HECTD2: variants seen among roughly 807,000 people sequenced by gnomAD.
The protein encoded by HECTD2 is probable E3 ubiquitin-protein ligase HECTD2.
A neutral mutation model predicts 103.2 loss-of-function variants in HECTD2; 35 were observed. The observed-to-expected ratio is 0.34, with a 90% confidence interval of 0.26 to 0.45. HECTD2 has a LOEUF of 0.45. HECTD2 is among the 20% of genes least tolerant of loss of function. The pLI, the probability that HECTD2 is intolerant of heterozygous loss-of-function variation, is 1.00. For missense variants in HECTD2, 596 were observed against 937.4 expected (o/e 0.64, Z 4.76); for synonymous variants, 281 against 329.9 (o/e 0.85, Z 1.61).
At chr10:91,458,981 G>A (rs1192316643) in intron 2 of HECTD2, among the ~76,000 whole-genome samples, 1 of 151,948 alleles carries the variant, frequency 6.6e-6, no homozygotes, top group African/African-American at 2.4e-5. Flanking sequence ...CTATTTTAGT[G>A]ACAAGGGACT....
chr10:91,486,727 C>T (rs142933341), intron 10 of HECTD2: 2 of 152,090 alleles, frequency 1.3e-5, no homozygotes, highest in African/African-American at 2.4e-5. Flanking sequence ...ATTGCATTTT[C>T]TTTTTATTTC....
At chr10:91,460,070 A>G (rs956107478) in intron 2 of HECTD2, among the ~76,000 whole-genome samples, 1 of 152,166 alleles carries the variant, frequency 6.6e-6, no homozygotes, top group South Asian at 2.1e-4. Flanking sequence ...ATAAACATTA[A>G]AAACATTGAG....
chr10:91,451,385 G>A (rs1589497036), intron 2 of HECTD2, among the ~76,000 whole-genome samples: 1 of 152,132 alleles, frequency 6.6e-6, no homozygotes, highest in South Asian at 2.1e-4. Context: ...ATTGGGACCA[G>A]GGGAGGGATA....
rs1396311592 is a variant in HECTD2 at position 91,484,670 on chromosome 10, T to C, written c.970+15T>C. The C allele has an allele frequency of 1.3e-6, 2 of 1,570,556 alleles. No individual in the cohort carries two copies. The highest frequency in any genetic ancestry group is 1.2e-5 in the South Asian group (1 of 82,856). On this transcript the variant is annotated intron_variant, in intron 9 of 20. Transcript: ENST00000298068. ...GGCTTTACTTAGTAGGTTTTTATTA[T>C]TCTATCATTTTTTACTTTTCTTTTG...
upstream of HECTD2, chr10:91,409,276 C>G (rs570811513): frequency 6.6e-6 from 1 of 152,140 alleles, no homozygotes; most frequent in Non-Finnish European, 1.5e-5. Flanking sequence ...GAGGGGGCGA[C>G]AAGAAAGGAA....
rs529188755 is a variant in HECTD2 at position 91,432,732 on chromosome 10, C to T, written c.268+7322C>T. Among the ~76,000 whole-genome samples, 52 of 152,078 alleles carry T rather than the reference C, an allele frequency of 3.4e-4. 1 individual carries two copies. The South Asian group carries it at 5.4e-3, about 16-fold the overall frequency. ...GAGTAGCTATGAACTCTGACATTTA[C>T]CTTGAGAGCAAGCTCATAGCCAGCT... is the stretch of plus-strand genomic sequence containing the variant. On this transcript the variant is annotated intron_variant, in intron 2 of 20. Coordinates refer to ENST00000298068, the MANE Select transcript of HECTD2 (RefSeq NM_182765.6).
chr10:91,460,799 G>A (rs1845314537), intron 3 of HECTD2, among the ~76,000 whole-genome samples: 1 of 152,074 alleles, frequency 6.6e-6, no homozygotes, highest in Admixed American at 6.6e-5. Flanking sequence ...GAGTCTGTGA[G>A]TCAAAACAGG....
chr10:91,491,680 C>T (rs1846484572), intron 12 of HECTD2, among the ~76,000 whole-genome samples: 1 of 152,106 alleles, frequency 6.6e-6, no homozygotes, highest in African/African-American at 2.4e-5. Flanking sequence ...TCTCAGACTA[C>T]ACATCTATAA....
At chr10:91,445,158 C>T (rs1168631184) in intron 2 of HECTD2, among the ~76,000 whole-genome samples, 2 of 152,160 alleles carry the variant, frequency 1.3e-5, no homozygotes, top group Non-Finnish European at 2.9e-5. Context: ...GAAAATGCAG[C>T]TTTCTACAAC....
At chr10:91,500,394 T>TTTA in intron 18 of HECTD2, 108 bp from the exon 19 acceptor site, 1 of 546,438 alleles carries the variant, frequency 1.8e-6, no homozygotes, top group Non-Finnish European at 3.3e-6. Flanking sequence ...TGGTTTGATT[T>TTTA]ACTATGAGAA....
At chr10:91,415,776 A>G (rs1333856733) in intron 1 of HECTD2, among the ~76,000 whole-genome samples, 2 of 152,304 alleles carry the variant, frequency 1.3e-5, no homozygotes, top group Middle Eastern at 6.8e-3. Context: ...TTGTTCAGAT[A>G]TTTGTTACTA....
chr10:91,491,096 A>C (rs1280427811), intron 11 of HECTD2, 104 bp from the exon 12 acceptor site: 2 of 554,418 alleles, frequency 3.6e-6, no homozygotes, highest in Non-Finnish European at 6.5e-6. Flanking sequence ...TTATATAAGA[A>C]ATGGCATAGA....
intron 5 of HECTD2, among the ~76,000 whole-genome samples, chr10:91,475,139 A>G (rs935817461): frequency 1.3e-5 from 2 of 152,204 alleles, no homozygotes; most frequent in Non-Finnish European, 2.9e-5. Flanking sequence ...GGGATCATTT[A>G]TAGTTAAGAA....
At chr10:91,500,811 T>G (rs1242937970) in intron 19 of HECTD2, among the ~76,000 whole-genome samples, 194 bp downstream of exon 19, 2 of 152,144 alleles carry the variant, frequency 1.3e-5, no homozygotes, top group African/African-American at 4.8e-5. Flanking sequence ...GGGAGAAAAT[T>G]CTATAAGCAA....
At chr10:91,509,036 A>G (rs1450839879) in intron 20 of HECTD2, among the ~76,000 whole-genome samples, 1 of 150,382 alleles carries the variant, frequency 6.6e-6, no homozygotes, top group Non-Finnish European at 1.5e-5. Flanking sequence ...AAAAAACCAA[A>G]CACCGCATAT....
chr10:91,418,583 G>C (rs11186563), intron 1 of HECTD2, among the ~76,000 whole-genome samples: 1 of 152,068 alleles, frequency 6.6e-6, no homozygotes, highest in Non-Finnish European at 1.5e-5. Flanking sequence ...CTTGAAAGTA[G>C]CTGACTTTTC....
At chr10:91,427,456 C>G (rs1843617644) in intron 2 of HECTD2, among the ~76,000 whole-genome samples, 1 of 152,174 alleles carries the variant, frequency 6.6e-6, no homozygotes, top group South Asian at 2.1e-4. Flanking sequence ...AACTAGTTTA[C>G]AGTCCCACCA....
intron 14 of HECTD2, among the ~76,000 whole-genome samples, 165 bp downstream of exon 14, chr10:91,493,673 T>A (rs1003031381): frequency 6.6e-5 from 10 of 152,048 alleles, no homozygotes; most frequent in Admixed American, 6.6e-5. Flanking sequence ...GTAATATATG[T>A]CAGTAGACTT....
chr10:91,455,755 T>C (rs1175854367), intron 2 of HECTD2, among the ~76,000 whole-genome samples: 1 of 152,162 alleles, frequency 6.6e-6, no homozygotes, highest in East Asian at 1.9e-4. Flanking sequence ...TTGTATAAGG[T>C]GAAAGGAAGG....
Sources: allele counts gnomAD v4.1 joint callset (sites outside exome capture counted in the v4.1 genomes callset), GRCh38; gene constraint gnomAD v4.1.1; transcripts MANE v1.5; gene names NCBI Gene and HGNC (gene_info 2026-07-23, HGNC 2026-07-21).